The following DNER variants were observed in gnomAD, a reference collection of about 807,000 sequenced individuals.
DNER encodes the protein delta and Notch-like epidermal growth factor-related receptor.
In DNER, 33 loss-of-function variants were observed where a neutral mutation model predicts 78.2. That is an observed-to-expected ratio of 0.42 (90% CI 0.32 to 0.56). DNER has a LOEUF of 0.56. DNER is among the 20% of genes least tolerant of loss of function. The pLI is 0.11. For synonymous variants in DNER, 417 were observed against 384.8 expected (o/e 1.08, Z -0.98); for missense variants, 918 against 975.3 (o/e 0.94, Z 0.78).
At chr2:229,381,223 G>A (rs207658) in intron 11 of DNER, among the ~76,000 whole-genome samples, 10,661 of 152,018 alleles carry the variant, frequency 0.07, 1,204 homozygotes, top group African/African-American at 0.24. Context: ...TGTGTCGTGA[G>A]GAACGGTGCA....
chr2:229,559,892 T>C (rs1349453135), intron 4 of DNER, among the ~76,000 whole-genome samples: 4 of 152,186 alleles, frequency 2.6e-5, no homozygotes, highest in Admixed American at 2.6e-4. Flanking sequence ...CAAATGCACT[T>C]ACTCTGCTCT....
intron 1 of DNER, among the ~76,000 whole-genome samples, chr2:229,672,072 C>T (rs771850038): frequency 3.3e-5 from 5 of 152,148 alleles, no homozygotes; most frequent in African/African-American, 1.2e-4. Context: ...TAACAAACTG[C>T]GTCAAAACTC....
intron 8 of DNER, among the ~76,000 whole-genome samples, chr2:229,442,074 G>A (rs2106359935): frequency 6.6e-6 from 1 of 152,216 alleles, no homozygotes; most frequent in East Asian, 1.9e-4. Context: ...TGGTGAGGTG[G>A]GCATCATATT....
intron 4 of DNER, among the ~76,000 whole-genome samples, chr2:229,554,757 A>T (rs1696817232): frequency 6.6e-6 from 1 of 151,852 alleles, no homozygotes; most frequent in Non-Finnish European, 1.5e-5. Context: ...AGCCCCAGCT[A>T]CTCAGGAGGA....
At chr2:229,706,180 A>C (rs1699823542) in intron 1 of DNER, among the ~76,000 whole-genome samples, 1 of 152,180 alleles carries the variant, frequency 6.6e-6, no homozygotes, top group African/African-American at 2.4e-5. Flanking sequence ...ATGAAAAAAT[A>C]AACTCTTTCC....
intron 1 of DNER, among the ~76,000 whole-genome samples, chr2:229,614,038 G>A (rs981585348): frequency 4.3e-5 from 6 of 140,896 alleles, no homozygotes; most frequent in Non-Finnish European, 7.7e-5. Flanking sequence ...GGGTGGGGGG[G>A]AGCGGGGAGG....
chr2:229,556,167 T>C (rs1301795443), intron 4 of DNER, among the ~76,000 whole-genome samples: 2 of 152,236 alleles, frequency 1.3e-5, no homozygotes, highest in African/African-American at 4.8e-5. Flanking sequence ...GTTTTCTAGA[T>C]AATTTGCTTC....
rs558532739 is a variant in DNER at position 229,369,191 on chromosome 2, C to T, written c.1856-2072G>A. Among the ~76,000 whole-genome samples, 41 of 151,034 alleles carry T rather than the reference C, an allele frequency of 2.7e-4. No homozygotes were observed. In the East Asian group the frequency reaches 7.8e-3, roughly 29 times the overall value. The stretch of plus-strand genomic sequence containing the variant: ...AAAACATTTAAAACTTTTTAACTTT[C>T]TAAAAAGTTAAACTTTCTAAAAAGT... On this transcript the variant is annotated intron_variant, in intron 11 of 12. Transcript: ENST00000341772.
intron 4 of DNER, among the ~76,000 whole-genome samples, chr2:229,573,340 CAT>C (rs1697247764): frequency 6.6e-6 from 1 of 152,130 alleles, no homozygotes; most frequent in Non-Finnish European, 1.5e-5. Flanking sequence ...AGCAAGACAG[CAT>C]TTTCAAAATG....
At chr2:229,653,535 T>C (rs966307238) in intron 1 of DNER, among the ~76,000 whole-genome samples, 1 of 152,222 alleles carries the variant, frequency 6.6e-6, no homozygotes, top group African/African-American at 2.4e-5. Context: ...GAGTTCTTTT[T>C]ATAAACACAT....
In DNER at chr2:229,426,440, C is replaced by CAAAA. The variant is rs58842918; in HGVS notation, c.1487-8214_1487-8211dup. On this transcript the variant is annotated intron_variant, in intron 8 of 12. Coordinates refer to ENST00000341772, the MANE Select transcript of DNER (RefSeq NM_139072.4). ...TGGGTGACAGAGCGAGACTCCATCT[C>CAAAA]AAAAAAAAAAAAAAAAAAAAAAAAG... Among the ~76,000 whole-genome samples, 59 of 69,168 alleles carry CAAAA rather than the reference C, an allele frequency of 8.5e-4. 1 individual carries two copies. The highest frequency in any genetic ancestry group is 1.6e-3 in the East Asian group (3 of 1,862). 45.4% of individuals were successfully genotyped at this position (69,168 alleles called of 152,430 possible).
intron 7 of DNER, among the ~76,000 whole-genome samples, chr2:229,455,922 C>T (rs544466276): frequency 2.6e-5 from 4 of 152,110 alleles, no homozygotes; most frequent in South Asian, 2.1e-4. Flanking sequence ...AGCTAGTAAA[C>T]GGCAGGTTTG....
chr2:229,567,425 A>G (rs1697131631), intron 4 of DNER, among the ~76,000 whole-genome samples: 1 of 152,198 alleles, frequency 6.6e-6, no homozygotes, highest in South Asian at 2.1e-4. Context: ...CAAATACAAG[A>G]GGGTAAGTGA....
intron 4 of DNER, among the ~76,000 whole-genome samples, chr2:229,580,575 G>A (rs960567097): frequency 6.6e-6 from 1 of 152,118 alleles, no homozygotes; most frequent in Non-Finnish European, 1.5e-5. Flanking sequence ...AAGCTAGAAA[G>A]ACCACTATAA....
intron 3 of DNER, chr2:229,587,013 ACT>A: frequency 1.5e-5 from 15 of 985,020 alleles, no homozygotes; most frequent in Non-Finnish European, 1.8e-5. Flanking sequence ...TCTGAGTCAG[ACT>A]CTGCTAATTC....
intron 1 of DNER, among the ~76,000 whole-genome samples, chr2:229,655,219 C>T (rs183888529): frequency 8.4e-4 from 127 of 151,744 alleles, no homozygotes; most frequent in Non-Finnish European, 1.3e-3. Context: ...CAATCAAGAA[C>T]GACCACCAAA....
At chr2:229,375,611 AG>A (rs201846717) in intron 11 of DNER, among the ~76,000 whole-genome samples, 2,072 of 152,352 alleles carry the variant, frequency 0.014, 20 homozygotes, top group Non-Finnish European at 0.02. Flanking sequence ...AAGTTCTAAA[AG>A]GCAAAAAGCC....
chr2:229,362,984 A>T (rs1181307029), intron 12 of DNER, among the ~76,000 whole-genome samples: 1 of 152,180 alleles, frequency 6.6e-6, no homozygotes. Flanking sequence ...TGGGGAAAAA[A>T]ACTGAACATG....
chr2:229,616,442 G>T lies in DNER; in HGVS notation c.277-24554C>A, dbSNP rs35168206. Among the ~76,000 whole-genome samples, 735 of 152,170 alleles carry T rather than the reference G, an allele frequency of 4.8e-3. 3 individuals carry two copies. The highest frequency in any genetic ancestry group is 8.2e-3 in the Non-Finnish European group (560 of 68,014). On this transcript the variant is annotated intron_variant, in intron 1 of 12. Transcript: ENST00000341772. The stretch of plus-strand genomic sequence containing the variant: ...CAGAGTGGTACTCAATCATAAAGTG[G>T]TCACTTCTGATCTAGGGTGATGATA...
Sources: allele counts gnomAD v4.1 joint callset (sites outside exome capture counted in the v4.1 genomes callset), GRCh38; gene constraint gnomAD v4.1.1; transcripts MANE v1.5; gene names NCBI Gene and HGNC (gene_info 2026-07-23, HGNC 2026-07-21).